The following SGCZ variants were observed in gnomAD, a reference collection of about 807,000 sequenced individuals.
SGCZ encodes sarcoglycan zeta, also known as zeta-sarcoglycan.
SGCZ carries 40 observed loss-of-function variants against 41.3 expected under a neutral mutation model. The ratio of observed to expected loss-of-function variants is 0.97; its 90% CI spans 0.75 to 1.26. SGCZ has a LOEUF of 1.26. Ranked by LOEUF, SGCZ falls within the 50% of genes most tolerant of loss-of-function variation. The pLI, the probability that SGCZ is intolerant of heterozygous loss-of-function variation, is 0.00. For missense variants in SGCZ, 552 were observed against 369.8 expected (o/e 1.49, Z -4.04); for synonymous variants, 206 against 137.5 (o/e 1.50, Z -3.49).
At chr8:14,472,526 T>G (rs939869239) in intron 2 of SGCZ, among the ~76,000 whole-genome samples, 2 of 152,108 alleles carry the variant, frequency 1.3e-5, no homozygotes, top group Non-Finnish European at 2.9e-5. Flanking sequence ...AGACCCAAAG[T>G]AGTTTCATGA....
rs557266127 is a variant in SGCZ, at chr8:14,126,967, G to A, written c.548-18732C>T. Among the ~76,000 whole-genome samples the A allele has an allele frequency of 5.3e-5, 8 of 152,096 alleles. No individual in the cohort carries two copies. In the South Asian group the frequency reaches 8.3e-4, roughly 16 times the overall value. ...CACAGGGAGGGGGACAACACACACTGGGGCCATCTGGGGGGTCAGGGGGAG... is the reference window on the plus strand; with the variant it reads ...CACAGGGAGGGGGACAACACACACTAGGGCCATCTGGGGGGTCAGGGGGAG... On this transcript the variant is annotated intron_variant, in intron 5 of 7. Coordinates refer to ENST00000382080, the MANE Select transcript of SGCZ (RefSeq NM_139167.4).
At chr8:14,094,754 A>C (rs944518075) in intron 7 of SGCZ, among the ~76,000 whole-genome samples, 3 of 152,186 alleles carry the variant, frequency 2.0e-5, no homozygotes, top group African/African-American at 7.2e-5. Context: ...TCCCACCAAC[A>C]GTGTAAAAGC....
chr8:14,665,185 C>T (rs1408477522), intron 1 of SGCZ, among the ~76,000 whole-genome samples: 5 of 152,084 alleles, frequency 3.3e-5, no homozygotes, highest in African/African-American at 1.2e-4. Flanking sequence ...ACAACAGGCC[C>T]CGGTGTGTGA....
chr8:14,667,664 G>A (rs962450164), intron 1 of SGCZ, among the ~76,000 whole-genome samples: 16 of 152,082 alleles, frequency 1.1e-4, no homozygotes, highest in Non-Finnish European at 2.1e-4. Flanking sequence ...TTCCAGAATA[G>A]TATAATCACA....
chr8:14,255,540 A>C (rs934057408), intron 3 of SGCZ, among the ~76,000 whole-genome samples: 48 of 152,176 alleles, frequency 3.2e-4, no homozygotes, highest in African/African-American at 1.0e-3. Context: ...TTACATTATA[A>C]ATTTGTTTTA....
chr8:14,314,307 C>T (rs1198173025), intron 3 of SGCZ, among the ~76,000 whole-genome samples: 5 of 151,956 alleles, frequency 3.3e-5, no homozygotes, highest in Admixed American at 1.3e-4. Context: ...CCACTCTTAA[C>T]GTAGTCCAAA....
chr8:14,290,741 TAA>T (rs1800811776), intron 3 of SGCZ, among the ~76,000 whole-genome samples: 1 of 10,454 alleles, frequency 9.6e-5, no homozygotes, highest in Non-Finnish European at 3.4e-4. Flanking sequence ...GGTGGGAATG[TAA>T]ATGTAAATTA....
intron 1 of SGCZ, among the ~76,000 whole-genome samples, chr8:14,680,963 G>GAAAAAAAAAAAAAAAAAAAAAA (rs374278969): frequency 8.5e-5 from 9 of 106,182 alleles, no homozygotes; most frequent in Non-Finnish European, 1.2e-4. Flanking sequence ...AAAAAGAGTG[G>GAAAAAAAAAAAAAAAAAAAAAA]GAAAAAAAAA....
chr8:15,161,061 G>C (rs1275313313), intron 1 of SGCZ, among the ~76,000 whole-genome samples: 1 of 152,022 alleles, frequency 6.6e-6, no homozygotes, highest in African/African-American at 2.4e-5. Context: ...TTCTCTGCAA[G>C]ATCTGAAGAT....
intron 4 of SGCZ, among the ~76,000 whole-genome samples, chr8:14,182,408 A>G (rs949330810): frequency 6.6e-6 from 1 of 152,120 alleles, no homozygotes; most frequent in Non-Finnish European, 1.5e-5. Flanking sequence ...CCAGAAAATT[A>G]GCTAAAAAGC....
At chr8:14,871,963 A>G (rs888036817) in intron 1 of SGCZ, among the ~76,000 whole-genome samples, 1 of 151,788 alleles carries the variant, frequency 6.6e-6, no homozygotes, top group African/African-American at 2.4e-5. Context: ...TATAGGACAT[A>G]TACACCATGG....
chr8:15,166,127 G>C (rs1799656922), intron 1 of SGCZ, among the ~76,000 whole-genome samples: 2 of 151,942 alleles, frequency 1.3e-5, no homozygotes, highest in South Asian at 2.1e-4. Flanking sequence ...CTGGCACCTG[G>C]CTTTTTGAAT....
intron 1 of SGCZ, among the ~76,000 whole-genome samples, chr8:14,860,681 A>C (rs961989139): frequency 1.3e-5 from 2 of 148,288 alleles, no homozygotes; most frequent in Non-Finnish European, 3.0e-5. Flanking sequence ...GGAAAGAGAG[A>C]AAGAAAGAAA....
At chr8:14,243,842 C>A (rs1340268760) in intron 3 of SGCZ, among the ~76,000 whole-genome samples, 1 of 152,140 alleles carries the variant, frequency 6.6e-6, no homozygotes, top group African/African-American at 2.4e-5. Flanking sequence ...GTGTTGACAT[C>A]GATCACAGTA....
At chr8:15,053,425 A>G (rs979089035) in intron 1 of SGCZ, among the ~76,000 whole-genome samples, 1 of 152,084 alleles carries the variant, frequency 6.6e-6, no homozygotes, top group African/African-American at 2.4e-5. Flanking sequence ...ACTTGCTTGC[A>G]TGGTGCACAG....
chr8:14,772,293 A>G (rs925650977), intron 1 of SGCZ, among the ~76,000 whole-genome samples: 3 of 152,138 alleles, frequency 2.0e-5, no homozygotes, highest in African/African-American at 7.2e-5. Context: ...ATGGGTTTAT[A>G]GTGACATAAA....
rs1300392146 is a variant in SGCZ, at chr8:15,207,478, G to C, written c.39+30107C>G. On this transcript the variant is annotated intron_variant, in intron 1 of 7. Coordinates refer to ENST00000382080, the MANE Select transcript of SGCZ (RefSeq NM_139167.4). Reference sequence around the variant, plus strand: ...AAGAAACAGCAGAAGGATGAAAAGAGTGGGATCATAGAAATCAGGAAATAA... The same window carrying C: ...AAGAAACAGCAGAAGGATGAAAAGACTGGGATCATAGAAATCAGGAAATAA... Among the ~76,000 whole-genome samples, 3 of 152,168 alleles carry C rather than the reference G, an allele frequency of 2.0e-5. 1 individual carries two copies.
intron 1 of SGCZ, among the ~76,000 whole-genome samples, chr8:15,013,954 C>G (rs915289185): frequency 6.6e-6 from 1 of 152,094 alleles, no homozygotes. Context: ...TTTTTTACCT[C>G]AAGATGGGAT....
chr8:14,894,882 C>G (rs1346325510), intron 1 of SGCZ, among the ~76,000 whole-genome samples: 1 of 152,072 alleles, frequency 6.6e-6, no homozygotes, highest in South Asian at 2.1e-4. Flanking sequence ...ACAAACAATT[C>G]AAATGCTACA....
Sources: gnomAD v4.1 joint callset for allele counts (sites outside exome capture counted in the v4.1 genomes callset) on GRCh38, gnomAD v4.1.1 for gene constraint, MANE v1.5 for transcripts, NCBI Gene and HGNC (gene_info 2026-07-23, HGNC 2026-07-21) for gene names.